LRRC7: variants seen among roughly 807,000 people sequenced by gnomAD.
The protein encoded by LRRC7 is leucine rich repeat containing 7, also known as leucine-rich repeat-containing protein 7.
A neutral mutation model predicts 175.7 loss-of-function variants in LRRC7; 23 were observed. That is an observed-to-expected ratio of 0.13 (90% confidence interval 0.09 to 0.19). The LOEUF (loss-of-function observed/expected upper bound fraction) is 0.19, where lower values mean the gene tolerates loss of function less well. Among genes scored for constraint, LRRC7 ranks in the 10% least tolerant of loss-of-function variants. The probability of loss-of-function intolerance (pLI) is 1.00; values close to 1 mark genes in which losing one functional copy is unlikely to be tolerated. For missense variants in LRRC7, 1,354 were observed against 1,904.7 expected, an observed-to-expected ratio of 0.71 and a Z score of 5.38; for synonymous variants, 685 against 680.9, an observed-to-expected ratio of 1.01 and a Z score of -0.09.
intron 14 of LRRC7, 123 bp downstream of exon 14, chr1:70,016,657 C>A: frequency 1.4e-6 from 1 of 697,888 alleles, no homozygotes. Flanking sequence ...TTTTTATCCC[C>A]AGAAAGAGAG....
chr1:69,932,098 G>T (rs1318115657), intron 8 of LRRC7, among the ~76,000 whole-genome samples: 1 of 152,124 alleles, frequency 6.6e-6, no homozygotes, highest in African/African-American at 2.4e-5. Context: ...GCAGAATTCT[G>T]CCTTCTCCTT....
At chr1:69,930,218 G>A (rs1373996597) in intron 7 of LRRC7, among the ~76,000 whole-genome samples, 1 of 151,822 alleles carries the variant, frequency 6.6e-6, no homozygotes, top group African/African-American at 2.4e-5. Context: ...TATCTGTTTT[G>A]TTCTCTGCCA....
At chr1:70,007,796 T>C (rs1656120546) in intron 11 of LRRC7, among the ~76,000 whole-genome samples, 1 of 152,196 alleles carries the variant, frequency 6.6e-6, no homozygotes, top group Non-Finnish European at 1.5e-5. Flanking sequence ...CAACTTCCTC[T>C]GGGACATCTT....
chr1:69,830,280 G>C lies in LRRC7; in HGVS notation c.500+4454G>C, dbSNP rs551671800. Among the ~76,000 whole-genome samples, 177 of 151,876 alleles carry C rather than the reference G, an allele frequency of 1.2e-3. 1 individual carries two copies. In the South Asian group the frequency reaches 0.013, roughly 12 times the overall value. The stretch of plus-strand genomic sequence containing the variant: ...TATGGGGTGGATATGAAAGTTATAA[G>C]TAGAGTGACCAAGTGTCTCTGTTTG... On this transcript the variant is annotated intron_variant, in intron 5 of 26. Transcript: ENST00000651989.
chr1:69,864,085 A>G (rs1344281371), intron 7 of LRRC7, among the ~76,000 whole-genome samples: 1 of 152,180 alleles, frequency 6.6e-6, no homozygotes, highest in East Asian at 1.9e-4. Context: ...CTCAAGGAAG[A>G]AAAGCTCTTT....
intron 7 of LRRC7, among the ~76,000 whole-genome samples, chr1:69,861,686 G>GA (rs1684372504): frequency 6.6e-6 from 1 of 152,194 alleles, no homozygotes; most frequent in Non-Finnish European, 1.5e-5. Flanking sequence ...CCATAGAAGT[G>GA]AAACAGCAGG....
chr1:70,016,586 G>A, intron 14 of LRRC7, 52 bp downstream of exon 14: 1 of 1,364,608 alleles, frequency 7.3e-7, no homozygotes, highest in Non-Finnish European at 9.9e-7. Context: ...ATAATTGAAA[G>A]TTTGAATTAC....
chr1:70,044,155 C>A, intron 22 of LRRC7, 61 bp downstream of exon 22: 3 of 1,566,590 alleles, frequency 1.9e-6, no homozygotes, highest in South Asian at 1.2e-5. Context: ...TGTTTGTTCA[C>A]TTAATGTGTT....
At chr1:69,589,100 C>A (rs1016972438) in intron 1 of LRRC7, among the ~76,000 whole-genome samples, 1 of 138,942 alleles carries the variant, frequency 7.2e-6, no homozygotes, top group East Asian at 2.1e-4. Context: ...TTTTGTGTTA[C>A]CACTTCATAA....
chr1:69,886,576 G>T (rs1645626846), intron 7 of LRRC7, among the ~76,000 whole-genome samples: 1 of 150,732 alleles, frequency 6.6e-6, no homozygotes, highest in Non-Finnish European at 1.5e-5. Context: ...TATCCAATTT[G>T]CCAGTCTGTG....
chr1:69,676,007 GCACACA>G (rs57846147), intron 1 of LRRC7, among the ~76,000 whole-genome samples: 35,153 of 147,412 alleles, frequency 0.24, 4,155 homozygotes, highest in South Asian at 0.29. Context: ...ATGAGTGCAT[GCACACA>G]CACACACACA....
At chr1:69,638,677 CTTTGT>C in intron 1 of LRRC7, among the ~76,000 whole-genome samples, 1 of 151,734 alleles carries the variant, frequency 6.6e-6, no homozygotes, top group African/African-American at 2.4e-5. Context: ...TTTACTATTT[CTTTGT>C]TTTATGAAAT....
At chr1:69,768,975 T>C (rs1042388514) in intron 3 of LRRC7, among the ~76,000 whole-genome samples, 3 of 152,176 alleles carry the variant, frequency 2.0e-5, no homozygotes, top group Non-Finnish European at 4.4e-5. Context: ...TGGGGTGGAA[T>C]AGGTTTTCTA....
At chr1:69,951,816 A>G (rs909430005) in intron 8 of LRRC7, among the ~76,000 whole-genome samples, 2 of 152,106 alleles carry the variant, frequency 1.3e-5, no homozygotes, top group Admixed American at 6.6e-5. Flanking sequence ...AAGGGAGAAC[A>G]GAAAAGATAA....
At chr1:69,644,190 A>G (rs914685037) in intron 1 of LRRC7, among the ~76,000 whole-genome samples, 2 of 152,104 alleles carry the variant, frequency 1.3e-5, no homozygotes, top group Non-Finnish European at 2.9e-5. Context: ...TGAGAGTGAT[A>G]TTCATATCTT....
At chr1:70,042,125 T>C (rs1659954219) in intron 21 of LRRC7, among the ~76,000 whole-genome samples, 1 of 152,218 alleles carries the variant, frequency 6.6e-6, no homozygotes, top group Non-Finnish European at 1.5e-5. Context: ...AGTCATCAGA[T>C]CCTAGAAGCT....
At chr1:69,734,478 T>A (rs1667902723) in intron 2 of LRRC7, among the ~76,000 whole-genome samples, 1 of 151,972 alleles carries the variant, frequency 6.6e-6, no homozygotes, top group Admixed American at 6.6e-5. Flanking sequence ...ACCAGTGTAC[T>A]AATATAAACA....
intron 2 of LRRC7, among the ~76,000 whole-genome samples, chr1:69,680,058 T>C (rs1433480212): frequency 6.6e-6 from 1 of 152,142 alleles, no homozygotes; most frequent in Non-Finnish European, 1.5e-5. Flanking sequence ...TCATAAAAAA[T>C]CTTTTTGAAC....
intron 1 of LRRC7, among the ~76,000 whole-genome samples, chr1:69,575,194 T>C (rs1645896226): frequency 6.6e-6 from 1 of 152,116 alleles, no homozygotes; most frequent in African/African-American, 2.4e-5. Context: ...CAACTGTTAA[T>C]GGGAGAAATA....
Sources: allele counts gnomAD v4.1 joint callset (sites outside exome capture counted in the v4.1 genomes callset), GRCh38; gene constraint gnomAD v4.1.1; transcripts MANE v1.5; gene names NCBI Gene and HGNC (gene_info 2026-07-23, HGNC 2026-07-21).